The following LRRC8D variants were observed in gnomAD, a reference collection of about 807,000 sequenced individuals.
The protein encoded by LRRC8D is volume-regulated anion channel subunit LRRC8D.
In LRRC8D, 20 loss-of-function variants were observed where a neutral mutation model predicts 55.8. That is an observed-to-expected ratio of 0.36 (90% confidence interval 0.25 to 0.52). LRRC8D has a LOEUF of 0.52. LRRC8D is among the 20% of genes least tolerant of loss of function. The probability of loss-of-function intolerance (pLI) is 0.93; values close to 1 mark genes in which losing one functional copy is unlikely to be tolerated. For missense variants in LRRC8D, 651 were observed against 1,030.8 expected (o/e 0.63, Z 5.05); for synonymous variants, 352 against 377.0 (o/e 0.93, Z 0.77).
chr1:89,892,430 G>A (rs1371418813), intron 2 of LRRC8D, among the ~76,000 whole-genome samples: 2 of 152,084 alleles, frequency 1.3e-5, no homozygotes, highest in African/African-American at 4.8e-5. Context: ...GATAAGGTAG[G>A]ACCAAGTTCC....
At chr1:89,887,600 CTGATG>C (rs1469951352) in intron 2 of LRRC8D, among the ~76,000 whole-genome samples, 2 of 152,314 alleles carry the variant, frequency 1.3e-5, no homozygotes, top group East Asian at 3.9e-4. Flanking sequence ...TTATCTTTCC[CTGATG>C]TGTACTCTTG....
At chr1:89,898,146 A>G (rs138180430) in intron 2 of LRRC8D, among the ~76,000 whole-genome samples, 47 of 152,322 alleles carry the variant, frequency 3.1e-4, no homozygotes, top group African/African-American at 1.1e-3. Flanking sequence ...AAAACATTGA[A>G]TACGAGCCAG....
chr1:89,840,303 C>T (rs1054566369), intron 1 of LRRC8D, among the ~76,000 whole-genome samples: 3 of 152,086 alleles, frequency 2.0e-5, no homozygotes, highest in Admixed American at 1.3e-4. Flanking sequence ...AAGGAGCGGG[C>T]GAATAGCTGA....
Position 89,933,381 on chromosome 1 carries a change from G to A in LRRC8D, c.313G>A (p.Val105Met), listed in dbSNP as rs1450292429. The A allele has an allele frequency of 1.2e-6, 2 of 1,614,008 alleles. No individual in the cohort carries two copies. Among genetic ancestry groups the A allele is most frequent in the Non-Finnish European group, 1.7e-6 (2 of 1,180,046 alleles). The stretch of plus-strand genomic sequence containing the variant: ...CGACATTTCCTTTGGGACATCTGCT[G>A]TGACACCTGACATACCTCTCAGAGC... Reference protein sequence around the residue: ...TNDISFGTSAVTPDIPLRATY... With the variant: ...TNDISFGTSAMTPDIPLRATY... The change falls in exon 3 of 3, where the codon GTG becomes ATG. Residue 105 changes from valine to methionine, a missense_variant. Val to Met is a conservative substitution (Grantham distance 21). Transcript: ENST00000337338. The surrounding 1 kb of genome is among the most constrained non-coding windows in gnomAD (Gnocchi z 7.0).
chr1:89,905,971 A>G (rs1662979295), intron 2 of LRRC8D, among the ~76,000 whole-genome samples: 1 of 152,204 alleles, frequency 6.6e-6, no homozygotes. Flanking sequence ...CCTGCTTACC[A>G]GGGACATTGA....
chr1:89,835,660 G>A (rs1451208471), intron 1 of LRRC8D, among the ~76,000 whole-genome samples: 1 of 152,180 alleles, frequency 6.6e-6, no homozygotes, highest in Non-Finnish European at 1.5e-5. Flanking sequence ...TGCCTTTCTA[G>A]CCATGGGAAC....
chr1:89,890,694 CA>C (rs1386171057), intron 2 of LRRC8D, among the ~76,000 whole-genome samples: 1 of 152,176 alleles, frequency 6.6e-6, no homozygotes, highest in Non-Finnish European at 1.5e-5. Context: ...TAATGCCTTA[CA>C]TACCGTAGAA....
intron 1 of LRRC8D, among the ~76,000 whole-genome samples, chr1:89,839,665 A>G (rs1661086200): frequency 6.6e-6 from 1 of 152,176 alleles, no homozygotes; most frequent in South Asian, 2.1e-4. Flanking sequence ...GAGACCAGGA[A>G]GTGAATGTGA....
intron 2 of LRRC8D, among the ~76,000 whole-genome samples, chr1:89,891,441 T>C (rs1468961601): frequency 1.3e-5 from 2 of 152,232 alleles, no homozygotes; most frequent in Non-Finnish European, 2.9e-5. Flanking sequence ...TATAGAATTA[T>C]TGTTTTCTCT....
rs140670041 is a variant in LRRC8D at position 89,909,465 on chromosome 1, AT to A, written c.-2-23592del. Among the ~76,000 whole-genome samples the A allele has an allele frequency of 1.7e-4, 25 of 148,226 alleles. 1 individual carries two copies. The highest frequency in any genetic ancestry group is 6.7e-4 in the Admixed American group (10 of 14,836). Reference sequence around the variant, plus strand: ...GGTAGAAATATATTTTACCAGTGCCATTTTTTTTTTCATTTCCTAATTTAAG... The same window carrying A: ...GGTAGAAATATATTTTACCAGTGCCATTTTTTTTTCATTTCCTAATTTAAG... On this transcript the variant is annotated intron_variant, in intron 2 of 2. Coordinates refer to ENST00000337338, the MANE Select transcript of LRRC8D (RefSeq NM_001134479.2).
At position 89,867,267 on chromosome 1, in the gene LRRC8D, C is replaced by A. The variant is rs576736001; in HGVS notation, c.-3+23485C>A. ...TGAAATAATACAATATATACTTTTT[C>A]ATAAATTATGTAGTCACTTTTTGAC... On this transcript the variant is annotated intron_variant, in intron 2 of 2. Transcript: ENST00000337338. Among the ~76,000 whole-genome samples, 25 of 152,306 alleles carry A rather than the reference C, an allele frequency of 1.6e-4. No individual in the cohort carries two copies. The South Asian group carries it at 3.9e-3, about 24-fold the overall frequency.
In LRRC8D at chr1:89,933,372, A is replaced by T. The variant is rs371401818; in HGVS notation, c.304A>T (p.Thr102Ser). ...GRTTNDISFG[T>S]SAVTPDIPLR... ...GACAACAAACGACATTTCCTTTGGG[A>T]CATCTGCTGTGACACCTGACATACC... Residue 102 changes from threonine to serine, a missense_variant, in exon 3 of 3, where the codon ACA (threonine) becomes TCA (serine). By Grantham distance (58) the Thr-to-Ser change is moderately conservative (BLOSUM62 1). This residue lies in a region of LRRC8D where 118 missense variants were observed against 138.0 expected (regional missense o/e 0.85). Transcript: ENST00000337338. The surrounding 1 kb of genome is among the most constrained non-coding windows in gnomAD (Gnocchi z 7.0). 2.5e-6 allele frequency: 4 copies of T among 1,614,156 alleles called. No individual in the cohort carries two copies. In the Admixed American group the frequency reaches 5.0e-5, roughly 20 times the overall value.
chr1:89,853,324 G>A (rs749591137), intron 2 of LRRC8D, among the ~76,000 whole-genome samples: 8 of 152,262 alleles, frequency 5.3e-5, no homozygotes. Context: ...GAGTTGGGGT[G>A]TCTGTGGGGC....
chr1:89,903,404 TTCA>T (rs1237513327), intron 2 of LRRC8D, among the ~76,000 whole-genome samples: 2 of 152,140 alleles, frequency 1.3e-5, no homozygotes, highest in Non-Finnish European at 2.9e-5. Flanking sequence ...TTCAATTCTC[TTCA>T]TCACTTTTTT....
intron 1 of LRRC8D, among the ~76,000 whole-genome samples, chr1:89,822,894 C>T (rs1660675344): frequency 1.3e-5 from 2 of 152,114 alleles, no homozygotes. Context: ...AACTAAATCC[C>T]TGTTAAAATC....
intron 2 of LRRC8D, among the ~76,000 whole-genome samples, chr1:89,924,311 A>G (rs922572144): frequency 6.6e-6 from 1 of 152,250 alleles, no homozygotes; most frequent in African/African-American, 2.4e-5. Context: ...CAACAAATAT[A>G]TGAAAAAATG....
intron 2 of LRRC8D, among the ~76,000 whole-genome samples, chr1:89,857,857 C>G (rs1661596845): frequency 6.6e-6 from 1 of 152,200 alleles, no homozygotes; most frequent in African/African-American, 2.4e-5. Context: ...AGGTTCTCCT[C>G]TAAGTAGAAT....
intron 2 of LRRC8D, among the ~76,000 whole-genome samples, chr1:89,907,277 C>T (rs892575016): frequency 6.7e-6 from 1 of 148,468 alleles, no homozygotes; most frequent in Non-Finnish European, 1.5e-5. Context: ...CTGCAACCTC[C>T]GCCTCCCGGG....
At chr1:89,842,607 CAA>C (rs1482254148) in intron 1 of LRRC8D, among the ~76,000 whole-genome samples, 5 of 152,100 alleles carry the variant, frequency 3.3e-5, no homozygotes, top group Non-Finnish European at 5.9e-5. Flanking sequence ...AGCCGTTTGT[CAA>C]GAGACAGTCC....
Sources: gnomAD v4.1 joint callset for allele counts (sites outside exome capture counted in the v4.1 genomes callset) on GRCh38, gnomAD v4.1.1 for gene constraint, gnomAD v4.1.1 regional missense constraint, Gnocchi (gnomAD v3.1) non-coding constraint, MANE v1.5 for transcripts, NCBI Gene and HGNC (gene_info 2026-07-23, HGNC 2026-07-21) for gene names.